RABGAP1L: variants seen among roughly 807,000 people sequenced by gnomAD.
RABGAP1L encodes the protein rab GTPase-activating protein 1-like.
Under a neutral mutation model 137.7 loss-of-function variants are expected in RABGAP1L, and 63 were observed. That is an observed-to-expected ratio of 0.46 (90% confidence interval 0.37 to 0.56). The LOEUF is 0.56. RABGAP1L is among the 20% of genes least tolerant of loss of function. The pLI, the probability that RABGAP1L is intolerant of heterozygous loss-of-function variation, is 0.00. For missense variants in RABGAP1L, 1,095 were observed against 1,244.0 expected (o/e 0.88, Z 1.80); for synonymous variants, 431 against 433.7 (o/e 0.99, Z 0.08).
At chr1:174,244,470 G>C (rs1023596463) in intron 5 of RABGAP1L, 4 of 152,192 alleles carry the variant, frequency 2.6e-5, no homozygotes, top group African/African-American at 7.2e-5. Flanking sequence ...TGGCCCTCTT[G>C]AACACCTGTG....
At chr1:174,954,775 T>G (rs1668265878) in intron 19 of RABGAP1L, among the ~76,000 whole-genome samples, 1 of 152,172 alleles carries the variant, frequency 6.6e-6, no homozygotes. Context: ...CACAATACCT[T>G]TAGCTGCTCC....
At chr1:174,795,664 C>T (rs180672974) in intron 18 of RABGAP1L, among the ~76,000 whole-genome samples, 1 of 152,302 alleles carries the variant, frequency 6.6e-6, no homozygotes, top group Admixed American at 6.5e-5. Flanking sequence ...TTTCCAGGCT[C>T]AAGTGATCCT....
At chr1:174,344,843 ATT>A (rs1682298982) in intron 11 of RABGAP1L, among the ~76,000 whole-genome samples, 1 of 152,140 alleles carries the variant, frequency 6.6e-6, no homozygotes, top group Non-Finnish European at 1.5e-5. Context: ...TTCTGGGGGT[ATT>A]ACTCAATAAA....
chr1:174,465,647 A>G (rs914386851), intron 13 of RABGAP1L, among the ~76,000 whole-genome samples: 1 of 152,198 alleles, frequency 6.6e-6, no homozygotes, highest in African/African-American at 2.4e-5. Context: ...AAAAAATAAG[A>G]TAATTTCAGA....
intron 24 of RABGAP1L, among the ~76,000 whole-genome samples, chr1:174,985,264 G>A (rs1671490266): frequency 6.6e-6 from 1 of 152,178 alleles, no homozygotes; most frequent in Admixed American, 6.5e-5. Flanking sequence ...GTGGTGGCAT[G>A]CACCTGTAGT....
chr1:174,457,365 C>A (rs1021262542), intron 13 of RABGAP1L, among the ~76,000 whole-genome samples: 1 of 151,328 alleles, frequency 6.6e-6, no homozygotes, highest in Non-Finnish European at 1.5e-5. Flanking sequence ...AGAGTAAAAT[C>A]ATCATTTTAG....
intron 14 of RABGAP1L, among the ~76,000 whole-genome samples, chr1:174,669,231 T>C (rs968006940): frequency 2.0e-5 from 3 of 152,032 alleles, no homozygotes; most frequent in African/African-American, 7.3e-5. Flanking sequence ...CTTATAAAAC[T>C]ATCAGTTCTC....
chr1:174,427,257 T>G (rs1391858457), intron 13 of RABGAP1L, among the ~76,000 whole-genome samples: 1 of 151,622 alleles, frequency 6.6e-6, no homozygotes, highest in Non-Finnish European at 1.5e-5. Context: ...GGCCAAAAAT[T>G]ACCCAAGATG....
At chr1:174,688,075 A>T (rs1054240652) in intron 15 of RABGAP1L, among the ~76,000 whole-genome samples, 2 of 152,168 alleles carry the variant, frequency 1.3e-5, no homozygotes, top group Non-Finnish European at 2.9e-5. Context: ...TTACAGTTGG[A>T]GAATGTTATA....
chr1:174,600,179 C>G (rs750784936), intron 13 of RABGAP1L, among the ~76,000 whole-genome samples: 11 of 152,170 alleles, frequency 7.2e-5, no homozygotes, highest in Admixed American at 2.6e-4. Flanking sequence ...ATTCACTATA[C>G]AAGAATAGCA....
At chr1:174,232,558 TGGATC>T (rs1354707742) in intron 4 of RABGAP1L, among the ~76,000 whole-genome samples, 1 of 149,904 alleles carries the variant, frequency 6.7e-6, no homozygotes, top group African/African-American at 2.5e-5. Context: ...CCGAGGTGGG[TGGATC>T]ACGAGGTCAG....
chr1:174,212,334 C>T (rs569996119), intron 1 of RABGAP1L, among the ~76,000 whole-genome samples: 62 of 151,846 alleles, frequency 4.1e-4, no homozygotes, highest in Middle Eastern at 3.4e-3. Flanking sequence ...TGGTCTTTGC[C>T]GTTAAAAAGG....
intron 13 of RABGAP1L, among the ~76,000 whole-genome samples, chr1:174,546,785 C>G (rs866171062): frequency 3.3e-5 from 5 of 152,152 alleles, no homozygotes; most frequent in Middle Eastern, 3.4e-3. Context: ...AATCCCAGCA[C>G]TTTGGGAGGC....
intron 14 of RABGAP1L, among the ~76,000 whole-genome samples, chr1:174,642,991 A>G (rs774372867): frequency 1.3e-5 from 2 of 151,976 alleles, no homozygotes; most frequent in African/African-American, 2.4e-5. Context: ...CACTATGTCA[A>G]TCAGGCTGCT....
At chr1:174,629,078 G>A (rs930510121) in intron 13 of RABGAP1L, among the ~76,000 whole-genome samples, 3 of 152,064 alleles carry the variant, frequency 2.0e-5, no homozygotes. Context: ...AATTAATATT[G>A]AGGAGAAAAA....
intron 14 of RABGAP1L, among the ~76,000 whole-genome samples, chr1:174,654,095 T>C (rs1377876988): frequency 6.6e-6 from 1 of 152,220 alleles, no homozygotes; most frequent in African/African-American, 2.4e-5. Context: ...ATTGTAGATG[T>C]AGTTTGTTTC....
At chr1:174,803,356 C>T (rs1000940522) in intron 18 of RABGAP1L, among the ~76,000 whole-genome samples, 3 of 152,198 alleles carry the variant, frequency 2.0e-5, no homozygotes, top group African/African-American at 7.2e-5. Flanking sequence ...GATATTACCA[C>T]AAGGCCTAAA....
At chr1:174,378,047 G>C (rs1274302189) in intron 12 of RABGAP1L, among the ~76,000 whole-genome samples, 1 of 142,344 alleles carries the variant, frequency 7.0e-6, no homozygotes. Flanking sequence ...TTGGTTTTTT[G>C]TTCTTGCGAT....
chr1:174,202,807 C>T (rs1364711209), intron 1 of RABGAP1L, among the ~76,000 whole-genome samples: 1 of 152,118 alleles, frequency 6.6e-6, no homozygotes, highest in Admixed American at 6.5e-5. Flanking sequence ...AGTCTTTAAT[C>T]CATGTTGAAT....
Sources: allele counts gnomAD v4.1 joint callset (sites outside exome capture counted in the v4.1 genomes callset), GRCh38; gene constraint gnomAD v4.1.1; transcripts MANE v1.5; gene names NCBI Gene and HGNC (gene_info 2026-07-23, HGNC 2026-07-21).